The following RALY variants were observed in gnomAD, a reference collection of about 807,000 sequenced individuals.
RALY encodes the protein RALY heterogeneous nuclear ribonucleoprotein.
A neutral mutation model predicts 30.7 loss-of-function variants in RALY; 15 were observed. That is an observed-to-expected ratio of 0.49 (90% confidence interval 0.33 to 0.75). The LOEUF is 0.75. Ranked by LOEUF, RALY falls within the 30% of genes least tolerant of loss-of-function variation. The probability of loss-of-function intolerance (pLI) is 0.02; values close to 1 mark genes in which losing one functional copy is unlikely to be tolerated. For synonymous variants in RALY, 177 were observed against 170.8 expected, an observed-to-expected ratio of 1.04 and a Z score of -0.28; for missense variants, 339 against 414.3, an observed-to-expected ratio of 0.82 and a Z score of 1.58.
intron 2 of RALY, among the ~76,000 whole-genome samples, chr20:34,071,702 A>G (rs1173617659): frequency 2.6e-5 from 4 of 152,164 alleles, no homozygotes; most frequent in Non-Finnish European, 5.9e-5. Context: ...TGAGATGAGC[A>G]TTAAAGGAGT....
At chr20:34,065,584 G>C (rs2033547231) in intron 2 of RALY, among the ~76,000 whole-genome samples, 1 of 152,208 alleles carries the variant, frequency 6.6e-6, no homozygotes, top group Non-Finnish European at 1.5e-5. Context: ...ACCAGGGCTT[G>C]GCCAGTTTAA....
intron 1 of RALY, among the ~76,000 whole-genome samples, chr20:34,022,109 T>TA (rs1486884516): frequency 2.0e-5 from 3 of 149,682 alleles, no homozygotes; most frequent in East Asian, 1.9e-4. Context: ...TTTTTTTTTT[T>TA]AATAAAGACA....
intron 1 of RALY, among the ~76,000 whole-genome samples, chr20:34,029,146 T>G (rs1482198971): frequency 6.6e-6 from 1 of 152,112 alleles, no homozygotes; most frequent in Non-Finnish European, 1.5e-5. Context: ...AGAGATAATG[T>G]GATCCTGAAC....
At chr20:34,018,684 T>A (rs74994546) in intron 1 of RALY, among the ~76,000 whole-genome samples, 7 of 55,628 alleles carry the variant, frequency 1.3e-4, no homozygotes, top group Non-Finnish European at 4.6e-4. Flanking sequence ...TGGTGTTTGT[T>A]TTGTTTTTTC....
intron 2 of RALY, among the ~76,000 whole-genome samples, chr20:34,057,129 A>G (rs750540768): frequency 6.6e-5 from 10 of 152,330 alleles, no homozygotes; most frequent in Non-Finnish European, 8.8e-5. Context: ...CAAATATGCT[A>G]TAATATATAT....
chr20:34,073,209 G>A (rs749935514), intron 3 of RALY, among the ~76,000 whole-genome samples: 4 of 151,896 alleles, frequency 2.6e-5, no homozygotes, highest in African/African-American at 7.3e-5. Flanking sequence ...GTGGCTCTGT[G>A]TATGCGTTCC....
At position 34,052,588 on chromosome 20, in the gene RALY, GT is replaced by G. The variant is rs796283679; in HGVS notation, c.-9-19475del. On this transcript the variant is annotated intron_variant, in intron 2 of 9. Transcript: ENST00000246194. Reference sequence around the variant, plus strand: ...AGCATCAAGCTTTCTGTTTTGATGTGTTTATCCCAGTAGGCAGGAAAATGAG... The same window carrying G: ...AGCATCAAGCTTTCTGTTTTGATGTGTTATCCCAGTAGGCAGGAAAATGAG... Among the ~76,000 whole-genome samples the G allele has an allele frequency of 2.0e-5, 3 of 152,276 alleles. No homozygotes were observed. In the South Asian group the frequency reaches 6.2e-4, roughly 32 times the overall value.
At chr20:34,045,480 A>C (rs757247006) in intron 2 of RALY, among the ~76,000 whole-genome samples, 1 of 152,090 alleles carries the variant, frequency 6.6e-6, no homozygotes, top group Non-Finnish European at 1.5e-5. Flanking sequence ...ATAAGGTTGG[A>C]GAGTGGGCAG....
At chr20:34,000,369 G>A (rs781640571) in intron 1 of RALY, among the ~76,000 whole-genome samples, 13 of 152,086 alleles carry the variant, frequency 8.5e-5, no homozygotes, top group Non-Finnish European at 1.6e-4. Context: ...AAAGAGTGGG[G>A]GTGGGGAGGT....
At chr20:34,013,413 CAAAAAAAAAAAA>C (rs34859292) in intron 1 of RALY, among the ~76,000 whole-genome samples, 4 of 84,798 alleles carry the variant, frequency 4.7e-5, no homozygotes, top group Non-Finnish European at 1.1e-4. Flanking sequence ...GACCTTGTCT[CAAAAAAAAAAAA>C]AAAAAAAAAA....
At chr20:34,015,921 C>G (rs12624813) in intron 1 of RALY, among the ~76,000 whole-genome samples, 1 of 152,112 alleles carries the variant, frequency 6.6e-6, no homozygotes, top group Non-Finnish European at 1.5e-5. Context: ...CTTACACTTT[C>G]AAGCCATCTA....
At chr20:34,040,559 G>A (rs1382396589) in intron 2 of RALY, among the ~76,000 whole-genome samples, 1 of 152,052 alleles carries the variant, frequency 6.6e-6, no homozygotes, top group African/African-American at 2.4e-5. Context: ...TGCTGGCTGG[G>A]GTTCATCCCC....
Position 34,075,867 on chromosome 20 carries a change from C to T in RALY, c.378-7C>T, listed in dbSNP as rs1568698517. The T allele has an allele frequency of 3.1e-6, 5 of 1,611,298 alleles. No homozygotes were observed. Among genetic ancestry groups the T allele is most frequent in the East Asian group, 2.2e-5 (1 of 44,804 alleles). ...TGCTGCAGCCTCTGGCCCATCTGCCCTCACAGGCTCTTCGACTACCGGGGC... is the reference window on the plus strand; with the variant it reads ...TGCTGCAGCCTCTGGCCCATCTGCCTTCACAGGCTCTTCGACTACCGGGGC... On this transcript the variant is annotated splice_region_variant and splice_polypyrimidine_tract_variant and intron_variant, in intron 5 of 9. Transcript: ENST00000246194.
chr20:34,055,400 G>T (rs766760780), intron 2 of RALY, among the ~76,000 whole-genome samples: 10 of 152,152 alleles, frequency 6.6e-5, no homozygotes, highest in Admixed American at 2.0e-4. Flanking sequence ...TTTAGCATCT[G>T]TGCAGCCTGC....
chr20:34,018,156 A>G (rs2031678182), intron 1 of RALY, among the ~76,000 whole-genome samples: 1 of 152,254 alleles, frequency 6.6e-6, no homozygotes, highest in Non-Finnish European at 1.5e-5. Context: ...AGCAAAACAG[A>G]TGGACTGCTC....
intron 1 of RALY, among the ~76,000 whole-genome samples, chr20:33,996,744 T>C (rs2030650899): frequency 6.6e-6 from 1 of 152,202 alleles, no homozygotes; most frequent in Non-Finnish European, 1.5e-5. Context: ...CTGTCCATTA[T>C]CTTCCCCAAC....
intron 1 of RALY, among the ~76,000 whole-genome samples, chr20:34,021,528 A>G (rs770312049): frequency 1.3e-5 from 2 of 152,232 alleles, no homozygotes; most frequent in African/African-American, 2.4e-5. Context: ...CAGTAATGAC[A>G]TTAATCCATT....
intron 1 of RALY, among the ~76,000 whole-genome samples, chr20:33,997,933 C>T (rs2030718684): frequency 6.6e-6 from 1 of 152,172 alleles, no homozygotes; most frequent in Non-Finnish European, 1.5e-5. Context: ...ACATTGCCTG[C>T]ATATTAAAGT....
chr20:34,029,282 A>C (rs944052693), intron 1 of RALY, among the ~76,000 whole-genome samples: 1 of 152,066 alleles, frequency 6.6e-6, no homozygotes, highest in African/African-American at 2.4e-5. Flanking sequence ...TACTAAAAAT[A>C]CAAAATTAGC....
Sources: allele counts gnomAD v4.1 joint callset (sites outside exome capture counted in the v4.1 genomes callset), GRCh38; gene constraint gnomAD v4.1.1; transcripts MANE v1.5; gene names NCBI Gene and HGNC (gene_info 2026-07-23, HGNC 2026-07-21).